The following CDADC1 variants were observed in gnomAD, a reference collection of about 807,000 sequenced individuals.
CDADC1 encodes cytidine and dCMP deaminase domain containing 1.
Under a neutral mutation model 54.9 loss-of-function variants are expected in CDADC1, and 39 were observed. That is an observed-to-expected ratio of 0.71 (90% CI 0.55 to 0.93). The LOEUF (loss-of-function observed/expected upper bound fraction) is 0.93, where lower values mean the gene tolerates loss of function less well. Ranked by LOEUF, CDADC1 falls within the 40% of genes least tolerant of loss-of-function variation. CDADC1 has a pLI of 0.00. For missense variants in CDADC1, 518 were observed against 618.8 expected (o/e 0.84, Z 1.73); for synonymous variants, 186 against 204.0 (o/e 0.91, Z 0.75).
At chr13:49,272,657 CTT>C (rs1191602451) in intron 5 of CDADC1, among the ~76,000 whole-genome samples, 18 of 133,020 alleles carry the variant, frequency 1.4e-4, no homozygotes, top group Non-Finnish European at 1.3e-4. Flanking sequence ...ATTTCTTTTT[CTT>C]TTTTTTTTTT....
At chr13:49,287,316 T>A (rs1405081062) in intron 9 of CDADC1, among the ~76,000 whole-genome samples, 1 of 152,222 alleles carries the variant, frequency 6.6e-6, no homozygotes, top group African/African-American at 2.4e-5. Context: ...AGTATAAAGG[T>A]CTTAGAATAA....
At chr13:49,267,398 C>T in intron 4 of CDADC1, 92 bp from the exon 5 acceptor site, 4 of 1,035,032 alleles carry the variant, frequency 3.9e-6, no homozygotes, top group Non-Finnish European at 5.6e-6. Context: ...ATTGAGGGTT[C>T]TAGATATACT....
At chr13:49,262,124 C>T (rs563121878) in intron 4 of CDADC1, among the ~76,000 whole-genome samples, 156 of 152,216 alleles carry the variant, frequency 1.0e-3, no homozygotes, top group African/African-American at 3.0e-3. Context: ...TGATGGTCCA[C>T]GAGGTCAATG....
intron 3 of CDADC1, among the ~76,000 whole-genome samples, chr13:49,257,928 T>C (rs944660118): frequency 6.6e-6 from 1 of 152,212 alleles, no homozygotes; most frequent in Non-Finnish European, 1.5e-5. Context: ...GAGGGGAAAG[T>C]GTTCACAAAT....
At position 49,275,726 on chromosome 13, in the gene CDADC1, TAGAGAGAGAGAGAGAG is replaced by T. The variant is rs1163125791; in HGVS notation, c.1050+1441_1050+1456del. Reference sequence around the variant, plus strand: ...ATATATATATATATATATATATATATAGAGAGAGAGAGAGAGAGAGAGAGAGAGAGAGAGAGAGAGA... The same window carrying T: ...ATATATATATATATATATATATATATAGAGAGAGAGAGAGAGAGAGAGAGA... On this transcript the variant is annotated intron_variant, in intron 6 of 9. Transcript: ENST00000251108. Among the ~76,000 whole-genome samples the T allele has an allele frequency of 9.6e-3, 172 of 17,824 alleles. 2 individuals carry two copies. Among genetic ancestry groups the T allele is most frequent in the Admixed American group, 0.013 (16 of 1,246 alleles). The allele number at this position is 17,824 out of a possible 152,430, so 11.7% of individuals were successfully genotyped here. A position where few individuals can be genotyped will look rare whatever the true frequency, so the allele number is the denominator to read the frequency against.
Position 49,291,681 on chromosome 13 carries a change from T to G in CDADC1, c.1472-3T>G. The G allele has an allele frequency of 6.2e-7, 1 of 1,613,644 alleles. No individual in the cohort carries two copies. The highest frequency in any genetic ancestry group is 8.5e-7 in the Non-Finnish European group (1 of 1,179,870). On this transcript the variant is annotated splice_region_variant and splice_polypyrimidine_tract_variant and intron_variant, in intron 9 of 9. Transcript: ENST00000251108. ...CCTGACCTAGCGTTATTCTCAATGCTAGATGGTGTGTTGAGACCTGTCCCA... is the reference window on the plus strand; with the variant it reads ...CCTGACCTAGCGTTATTCTCAATGCGAGATGGTGTGTTGAGACCTGTCCCA...
In CDADC1 at chr13:49,267,746, T is replaced by C. The variant is rs750328984; in HGVS notation, c.687T>C (p.Tyr229=). The change falls in exon 5 of 10, where the codon TAT becomes TAC. Residue 229 remains tyrosine (Y), a synonymous_variant. Coordinates refer to ENST00000251108, the MANE Select transcript of CDADC1 (RefSeq NM_030911.4). The part of the protein sequence containing the change: ...TLPDANTDFY[Y]ECKQERIKEY... ...CGGATGCTAACACTGACTTTTATTATGAATGTAAACAAGAAAGAATAAAAG... is the reference window on the plus strand; with the variant it reads ...CGGATGCTAACACTGACTTTTATTACGAATGTAAACAAGAAAGAATAAAAG... 10 of 1,610,732 alleles carry C rather than the reference T, an allele frequency of 6.2e-6. No homozygotes were observed. The East Asian group carries it at 2.2e-4, about 36-fold the overall frequency.
chr13:49,276,628 T>A (rs552560030), intron 6 of CDADC1, among the ~76,000 whole-genome samples: 1 of 151,618 alleles, frequency 6.6e-6, no homozygotes, highest in South Asian at 2.1e-4. Context: ...GATTCCACCT[T>A]CAAAATACCT....
chr13:49,260,882 C>T (rs1952667642), intron 4 of CDADC1, among the ~76,000 whole-genome samples: 2 of 152,050 alleles, frequency 1.3e-5, no homozygotes, highest in African/African-American at 4.8e-5. Context: ...AAATAGTGAT[C>T]CCTGCAGATT....
chr13:49,276,667 G>A (rs1215092871), intron 6 of CDADC1, among the ~76,000 whole-genome samples: 2 of 151,100 alleles, frequency 1.3e-5, no homozygotes, highest in Admixed American at 1.3e-4. Flanking sequence ...TACCCCAACT[G>A]TTAACTCCTA....
At chr13:49,276,591 G>C (rs1953140159) in intron 6 of CDADC1, among the ~76,000 whole-genome samples, 1 of 152,122 alleles carries the variant, frequency 6.6e-6, no homozygotes, top group South Asian at 2.1e-4. Flanking sequence ...GTCTGTTACT[G>C]TACACATACA....
At chr13:49,278,592 T>TG (rs1953216663) in intron 7 of CDADC1, 73 bp downstream of exon 7, 1 of 1,086,890 alleles carries the variant, frequency 9.2e-7, no homozygotes, top group Admixed American at 2.5e-5. Flanking sequence ...TTCTTATAAT[T>TG]GTAATTTATT....
intron 5 of CDADC1, 127 bp downstream of exon 5, chr13:49,268,186 G>T: frequency 2.6e-6 from 2 of 766,760 alleles, no homozygotes; most frequent in African/African-American, 1.8e-5. Context: ...ATACAATATA[G>T]AGAAGTTAGT....
At chr13:49,265,541 A>G (rs1042257202) in intron 4 of CDADC1, among the ~76,000 whole-genome samples, 2 of 152,218 alleles carry the variant, frequency 1.3e-5, no homozygotes, top group Non-Finnish European at 2.9e-5. Context: ...TAATCCAAAT[A>G]TTAAAGATAT....
rs1309324128 is a variant in CDADC1, at chr13:49,262,002, G to A, written c.430+2479G>A. ...TTTAGTTATCTTAGGAAGGGGGCAT[G>A]GTTGAACCCCATGCTATAGCTAGAT... is the stretch of plus-strand genomic sequence containing the variant. On this transcript the variant is annotated intron_variant, in intron 4 of 9. Coordinates refer to ENST00000251108, the MANE Select transcript of CDADC1 (RefSeq NM_030911.4). 2.0e-5 allele frequency among the ~76,000 whole-genome samples: 3 copies of A among 152,192 alleles called. No individual in the cohort carries two copies. The East Asian group carries it at 5.8e-4, about 29-fold the overall frequency.
intron 5 of CDADC1, among the ~76,000 whole-genome samples, chr13:49,271,494 G>A (rs1952963847): frequency 6.6e-6 from 1 of 152,092 alleles, no homozygotes; most frequent in Non-Finnish European, 1.5e-5. Context: ...TCAGATATGA[G>A]TATGCCTGAG....
intron 5 of CDADC1, among the ~76,000 whole-genome samples, chr13:49,270,125 A>C (rs1952926987): frequency 6.6e-6 from 1 of 152,244 alleles, no homozygotes; most frequent in Non-Finnish European, 1.5e-5. Context: ...TGTGCGTTGA[A>C]TGGATAAAAC....
intron 8 of CDADC1, among the ~76,000 whole-genome samples, chr13:49,282,487 A>T (rs549939743): frequency 4.6e-5 from 7 of 152,138 alleles, no homozygotes; most frequent in African/African-American, 1.7e-4. Flanking sequence ...CTACAAAGAA[A>T]TTTTTTCCCA....
Position 49,247,996 on chromosome 13 carries a change from C to T in CDADC1, c.-42C>T. 1 of 1,529,276 alleles carries T rather than the reference C, an allele frequency of 6.5e-7. No individual in the cohort carries two copies. Among genetic ancestry groups the T allele is most frequent in the Non-Finnish European group, 8.9e-7 (1 of 1,126,898 alleles). The allele number at this position is 1,529,276 out of a possible 1,614,324, so 94.7% of individuals were successfully genotyped here. On this transcript the variant is annotated 5_prime_UTR_variant, in exon 1 of 10. Transcript: ENST00000251108. ...GCGCTAGGGCCGAGATCATGTCTGA[C>T]TGGGAGAGGTTTCCTTGGCAGCAGA...
Sources: gnomAD v4.1 joint callset for allele counts (sites outside exome capture counted in the v4.1 genomes callset) on GRCh38, gnomAD v4.1.1 for gene constraint, MANE v1.5 for transcripts, NCBI Gene and HGNC (gene_info 2026-07-23, HGNC 2026-07-21) for gene names.